Variants in RUBCN observed in about 807,000 individuals in gnomAD.
The protein encoded by RUBCN is rubicon autophagy regulator.
In RUBCN, 74 loss-of-function variants were observed where a neutral mutation model predicts 113.2. The observed-to-expected ratio is 0.65, with a 90% CI of 0.54 to 0.79. The LOEUF is 0.79. RUBCN is among the 30% of genes least tolerant of loss of function. The probability of loss-of-function intolerance (pLI) is 0.00; values close to 1 mark genes in which losing one functional copy is unlikely to be tolerated. For synonymous variants in RUBCN, 480 were observed against 490.0 expected (o/e 0.98, Z 0.27); for missense variants, 1,109 against 1,251.7 (o/e 0.89, Z 1.72).
At chr3:197,703,732 G>A (rs534496663) in intron 4 of RUBCN, 78 bp from the exon 5 acceptor site, 2 of 878,098 alleles carry the variant, frequency 2.3e-6, no homozygotes, top group South Asian at 1.4e-5. Flanking sequence ...CAGAAAGGGA[G>A]AGGTAAGGAT....
chr3:197,701,751 C>T lies in RUBCN; in HGVS notation c.684G>A (p.Gly228=), dbSNP rs763133144. The change falls in exon 6 of 20, where the codon GGG becomes GGA. Residue 228 remains glycine (G), a synonymous_variant. Coordinates refer to ENST00000296343, the MANE Select transcript of RUBCN (RefSeq NM_014687.4). ...CGGATTGGTGGAGGCTAGAGAAGGA[C>T]CCAAAGTAGGAATGCTGAGCATAGC... The part of the protein sequence containing the change: ...PNSYAQHSYF[G]SFSSLHQSVP... 6.8e-6 allele frequency: 11 copies of T among 1,614,076 alleles called. No individual in the cohort carries two copies. Among genetic ancestry groups the T allele is most frequent in the Admixed American group, 1.7e-5 (1 of 60,016 alleles).
chr3:197,682,464 A>G lies in RUBCN; in HGVS notation c.2126+6T>C, dbSNP rs1427139076. 9 of 1,614,064 alleles carry G rather than the reference A, an allele frequency of 5.6e-6. No individual in the cohort carries two copies. In the Admixed American group the frequency reaches 8.3e-5, roughly 15 times the overall value. ...GCTCCAAAGGGCACAGACACTGGCC[A>G]CTCACGTTGGGGCTGGATGAACATT... is the stretch of plus-strand genomic sequence containing the variant. On this transcript the variant is annotated splice_donor_region_variant and intron_variant, in intron 14 of 19. Coordinates refer to ENST00000296343, the MANE Select transcript of RUBCN (RefSeq NM_014687.4).
In RUBCN at chr3:197,707,087, T is replaced by TAA. The variant is rs1475597278; in HGVS notation, c.220-1914_220-1913dup. Among the ~76,000 whole-genome samples the TAA allele has an allele frequency of 2.3e-4, 33 of 144,360 alleles. 1 individual carries two copies. Among genetic ancestry groups the TAA allele is most frequent in the African/African-American group, 9.7e-4 (33 of 34,126 alleles). 94.7% of individuals were successfully genotyped at this position (144,360 alleles called of 152,430 possible). ...GGCCGGGCGCGGTGGCTCACGCCTGTAATCCCAGCACTTTGGGAGGCCGAG... is the reference window on the plus strand; with the variant it reads ...GGCCGGGCGCGGTGGCTCACGCCTGTAAAATCCCAGCACTTTGGGAGGCCGAG... On this transcript the variant is annotated intron_variant, in intron 2 of 19. Transcript: ENST00000296343.
chr3:197,693,889 T>C, intron 10 of RUBCN, 73 bp from the exon 11 acceptor site: 3 of 997,392 alleles, frequency 3.0e-6, no homozygotes, highest in Non-Finnish European at 4.8e-6. Flanking sequence ...TGTCACAATA[T>C]AAGGGATCTG....
intron 11 of RUBCN, chr3:197,691,051 T>A: frequency 1.6e-6 from 2 of 1,253,546 alleles, no homozygotes; most frequent in South Asian, 1.2e-5. Context: ...TACAAGCACA[T>A]CCACGCTTGC....
At chr3:197,692,425 A>G (rs554185490) in intron 11 of RUBCN, among the ~76,000 whole-genome samples, 1 of 151,858 alleles carries the variant, frequency 6.6e-6, no homozygotes, top group East Asian at 1.9e-4. Flanking sequence ...CAAGCAAATT[A>G]TCCTGCCTTG....
chr3:197,695,742 C>T, intron 9 of RUBCN, 124 bp downstream of exon 9: 1 of 874,954 alleles, frequency 1.1e-6, no homozygotes, highest in African/African-American at 1.6e-5. Flanking sequence ...CTGAGCTTCC[C>T]TTTACCGTGA....
At chr3:197,676,566 G>T in intron 18 of RUBCN, 1 of 1,199,518 alleles carries the variant, frequency 8.3e-7, no homozygotes, top group East Asian at 4.8e-5. Context: ...GCCCACCTCG[G>T]CCTCCCAAAT....
rs1720497663 is a variant in RUBCN, at chr3:197,676,870, G to T, written c.2646+15C>A. 6.2e-7 allele frequency: 1 copy of T among 1,614,044 alleles called. No individual in the cohort carries two copies. The highest frequency in any genetic ancestry group is 1.3e-5 in the African/African-American group (1 of 74,930). ...AGCAAGGGCTCAGCTGCATGCTACAGTGAGACTTTCTCACCATGCATCTCT... is the reference window on the plus strand; with the variant it reads ...AGCAAGGGCTCAGCTGCATGCTACATTGAGACTTTCTCACCATGCATCTCT... On this transcript the variant is annotated intron_variant, in intron 18 of 19. Transcript: ENST00000296343.
Position 197,674,448 on chromosome 3 carries a change from G to A in RUBCN, c.*570C>T, listed in dbSNP as rs1257345553. The A allele has an allele frequency of 4.9e-6, 2 of 408,992 alleles. No homozygotes were observed. Among genetic ancestry groups the A allele is most frequent in the Non-Finnish European group, 1.0e-5 (2 of 197,618 alleles). The allele number at this position is 408,992 out of a possible 1,614,324, so 25.3% of individuals were successfully genotyped here. On this transcript the variant is annotated 3_prime_UTR_variant, in exon 20 of 20. Transcript: ENST00000296343. The stretch of plus-strand genomic sequence containing the variant: ...TCTCTGAGGAGTCTAGGATAGTCAG[G>A]ATTGTTCTGTGGCCCCCAAAATACC...
In RUBCN at chr3:197,694,396, A is replaced by G. The variant is rs1722771962; in HGVS notation, c.1663T>C (p.Tyr555His). 8.7e-6 allele frequency: 14 copies of G among 1,614,234 alleles called. No individual in the cohort carries two copies. The highest frequency in any genetic ancestry group is 1.2e-5 in the Non-Finnish European group (14 of 1,180,032). ...TGACTTCCGTGCTCAGCCTCCTGGT[A>G]CATGGGGAGCAGGTTCTTGGTGCGG... ...QIRTKNLLPM[Y>H]QEAEHGSFRV... Residue 555 changes from tyrosine (Y) to histidine (H), a missense_variant, in exon 10 of 20, where the codon TAC (tyrosine) becomes CAC (histidine). Physicochemically the swap from Tyr to His is moderately conservative, Grantham distance 83 (BLOSUM62 2). This residue lies in a region of RUBCN where 736 missense variants were observed against 779.6 expected (regional missense o/e 0.94). Coordinates refer to ENST00000296343, the MANE Select transcript of RUBCN (RefSeq NM_014687.4).
chr3:197,715,453 C>T (rs572708261), intron 2 of RUBCN, among the ~76,000 whole-genome samples: 5 of 152,186 alleles, frequency 3.3e-5, no homozygotes, highest in Admixed American at 2.6e-4. Context: ...ATAAATAGTT[C>T]TCGGATTGTC....
At position 197,675,347 on chromosome 3, in the gene RUBCN, T is replaced by C. The variant is rs896855005; in HGVS notation, c.2740+75A>G. 2.6e-6 allele frequency: 4 copies of C among 1,520,110 alleles called. No homozygotes were observed. The highest frequency in any genetic ancestry group is 3.6e-6 in the Non-Finnish European group (4 of 1,096,836). The allele number at this position is 1,520,110 out of a possible 1,614,324, so 94.2% of individuals were successfully genotyped here. A position where few individuals can be genotyped will look rare whatever the true frequency, so the allele number is the denominator to read the frequency against. ...GTGCTGAGTGGCACCGAACTCTTGC[T>C]AACAGGGGTGGCTCTGGGGAATCAA... On this transcript the variant is annotated intron_variant, in intron 19 of 19. Coordinates refer to ENST00000296343, the MANE Select transcript of RUBCN (RefSeq NM_014687.4). The surrounding 1 kb of genome is among the most constrained non-coding windows in gnomAD (Gnocchi z 4.4).
Position 197,675,478 on chromosome 3 carries a change from T to G in RUBCN, c.2684A>C (p.Gln895Pro). 1 of 1,614,156 alleles carries G rather than the reference T, an allele frequency of 6.2e-7. No individual in the cohort carries two copies. The highest frequency in any genetic ancestry group is 1.1e-5 in the South Asian group (1 of 91,086). ...GGGAAAGATGATGTCATCCTCATTC[T>G]GACAGAACTCACAGATGAAGCCTTT... ...QAKGFICEFC[Q>P]NEDDIIFPFE... The change falls in exon 19 of 20, where the codon CAG (glutamine) becomes CCG (proline). Residue 895 changes from glutamine (Q) to proline (P), a missense_variant. Physicochemically the swap from Gln to Pro is moderately conservative, Grantham distance 76. Transcript: ENST00000296343. The surrounding 1 kb of genome is among the most constrained non-coding windows in gnomAD (Gnocchi z 4.4).
chr3:197,728,759 T>A (rs1241724035), intron 1 of RUBCN, among the ~76,000 whole-genome samples: 1 of 152,148 alleles, frequency 6.6e-6, no homozygotes, highest in Non-Finnish European at 1.5e-5. Flanking sequence ...GACACTTACA[T>A]AACCATGCTA....
chr3:197,697,734 A>T (rs1723171611), intron 7 of RUBCN, among the ~76,000 whole-genome samples: 1 of 152,230 alleles, frequency 6.6e-6, no homozygotes, highest in Non-Finnish European at 1.5e-5. Flanking sequence ...GATATTCTTC[A>T]CAAGGAAACA....
intron 1 of RUBCN, among the ~76,000 whole-genome samples, chr3:197,734,417 A>C (rs905022520): frequency 1.3e-5 from 2 of 151,826 alleles, no homozygotes; most frequent in Non-Finnish European, 2.9e-5. Flanking sequence ...AAAGAAAAAA[A>C]AAAAAAAGCG....
intron 11 of RUBCN, among the ~76,000 whole-genome samples, chr3:197,690,322 C>T (rs1169736526): frequency 6.6e-6 from 1 of 152,102 alleles, no homozygotes; most frequent in African/African-American, 2.4e-5. Flanking sequence ...CCTGTAGTCC[C>T]AGCTACTTGG....
intron 2 of RUBCN, among the ~76,000 whole-genome samples, chr3:197,708,626 G>A (rs1054696601): frequency 1.3e-5 from 2 of 149,616 alleles, no homozygotes; most frequent in African/African-American, 2.5e-5. Context: ...TTCTCCCAAC[G>A]TTGCCAAAGA....
Sources: gnomAD v4.1 joint callset for allele counts (sites outside exome capture counted in the v4.1 genomes callset) on GRCh38, gnomAD v4.1.1 for gene constraint, gnomAD v4.1.1 regional missense constraint, Gnocchi (gnomAD v3.1) non-coding constraint, MANE v1.5 for transcripts, NCBI Gene and HGNC (gene_info 2026-07-23, HGNC 2026-07-21) for gene names.